The following ANXA4 variants were observed in gnomAD, a reference collection of about 807,000 sequenced individuals.
The protein encoded by ANXA4 is annexin A4.
In ANXA4, 39 loss-of-function variants were observed where a neutral mutation model predicts 49.8. The observed-to-expected ratio is 0.78, with a 90% CI of 0.61 to 1.02. The LOEUF (loss-of-function observed/expected upper bound fraction) is 1.02, where lower values mean the gene tolerates loss of function less well. Ranked by LOEUF, ANXA4 falls within the 50% of genes least tolerant of loss-of-function variation. ANXA4 has a pLI of 0.00. For synonymous variants in ANXA4, 134 were observed against 152.5 expected (o/e 0.88, Z 0.89); for missense variants, 360 against 410.1 (o/e 0.88, Z 1.05).
intron 2 of ANXA4, among the ~76,000 whole-genome samples, chr2:69,656,224 TA>T (rs2105312724): frequency 7.4e-6 from 1 of 135,062 alleles, no homozygotes; most frequent in South Asian, 2.4e-4. Flanking sequence ...TATATATGTA[TA>T]TATGTATATA....
At chr2:69,788,275 C>A in intron 3 of ANXA4, 134 bp downstream of exon 3, 1 of 743,122 alleles carries the variant, frequency 1.3e-6, no homozygotes, top group Non-Finnish European at 2.2e-6. Context: ...GTGTGGGGCT[C>A]ATGCCTGTCA....
chr2:69,815,012 C>T lies in ANXA4; in HGVS notation c.535-1089C>T, dbSNP rs1347676529. ...GGCAGGAAAAAAACTGATGTCCTAG[C>T]TCAAGGCAGTCAGGCAGGAGGAGTC... On this transcript the variant is annotated intron_variant, in intron 8 of 12. Coordinates refer to ENST00000394295, the MANE Select transcript of ANXA4 (RefSeq NM_001153.5). 1.3e-5 allele frequency: 2 copies of T among 152,472 alleles called. 1 individual carries two copies. 9.4% of individuals were successfully genotyped at this position (152,472 alleles called of 1,614,324 possible).
chr2:69,760,605 T>C (rs1671242815), intron 1 of ANXA4, among the ~76,000 whole-genome samples: 1 of 152,242 alleles, frequency 6.6e-6, no homozygotes, highest in South Asian at 2.1e-4. Flanking sequence ...TTAAGTATTC[T>C]GGGGCTTTGT....
Position 69,655,621 on chromosome 2 carries a change from G to A in ANXA4, n.766+2339G>A, listed in dbSNP as rs182638582. On this transcript the variant is annotated intron_variant and non_coding_transcript_variant, in intron 2 of 3. Transcript: ENST00000418066. The stretch of plus-strand genomic sequence containing the variant: ...CTACCATTGTGGAAGACAGTGTGGC[G>A]ATTCCAAAAGGATCTAGAACCAGAA... Among the ~76,000 whole-genome samples the A allele has an allele frequency of 9.9e-5, 15 of 152,204 alleles. No individual in the cohort carries two copies. In the East Asian group the frequency reaches 2.5e-3, roughly 25 times the overall value.
At chr2:69,754,376 C>A (rs76113261) in intron 1 of ANXA4, among the ~76,000 whole-genome samples, 1,628 of 152,188 alleles carry the variant, frequency 0.011, 39 homozygotes, top group African/African-American at 0.037. Flanking sequence ...GTTCTCAAAC[C>A]TCAGCATGTA....
At chr2:69,670,677 T>C (rs138875308) in intron 2 of ANXA4, among the ~76,000 whole-genome samples, 1 of 151,498 alleles carries the variant, frequency 6.6e-6, no homozygotes. Flanking sequence ...ACTGGAAAAT[T>C]TGGTTATCTA....
chr2:69,785,831 G>A (rs562363800), intron 2 of ANXA4, among the ~76,000 whole-genome samples: 2 of 152,058 alleles, frequency 1.3e-5, no homozygotes, highest in Admixed American at 1.3e-4. Context: ...GACAGTGCTC[G>A]ATCCTGGATT....
intron 2 of ANXA4, among the ~76,000 whole-genome samples, chr2:69,656,304 T>TATATAC: frequency 9.9e-6 from 1 of 101,258 alleles, no homozygotes; most frequent in East Asian, 7.8e-4. Flanking sequence ...TGTATATATA[T>TATATAC]GTATATATGT....
intron 2 of ANXA4, among the ~76,000 whole-genome samples, chr2:69,664,681 T>C (rs1676868435): frequency 6.6e-6 from 1 of 152,170 alleles, no homozygotes; most frequent in South Asian, 2.1e-4. Context: ...GCAGCAACAG[T>C]ATGTTCAATC....
chr2:69,746,567 T>A (rs1573184314), intron 1 of ANXA4, among the ~76,000 whole-genome samples: 1 of 152,332 alleles, frequency 6.6e-6, no homozygotes, highest in African/African-American at 2.4e-5. Context: ...TTATTAGTGT[T>A]TGGTTTTGTT....
upstream of ANXA4, among the ~76,000 whole-genome samples, chr2:69,740,618 A>G (rs1670360791): frequency 6.8e-6 from 1 of 146,214 alleles, no homozygotes; most frequent in African/African-American, 2.6e-5. Flanking sequence ...GCACCCGGCT[A>G]ATTATTTATT....
chr2:69,727,163 T>C (rs1392290464), intron 3 of ANXA4, among the ~76,000 whole-genome samples: 3 of 152,270 alleles, frequency 2.0e-5, no homozygotes, highest in Non-Finnish European at 4.4e-5. Flanking sequence ...CATGAGCCAC[T>C]GTGCCTAGCC....
At chr2:69,814,177 G>A (rs945374506) in intron 8 of ANXA4, among the ~76,000 whole-genome samples, 1 of 152,036 alleles carries the variant, frequency 6.6e-6, no homozygotes, top group African/African-American at 2.4e-5. Context: ...TTCATTAGAG[G>A]GGATAGAGGT....
At chr2:69,715,238 C>G (rs1005081157) in intron 2 of ANXA4, among the ~76,000 whole-genome samples, 2 of 152,114 alleles carry the variant, frequency 1.3e-5, no homozygotes, top group African/African-American at 4.8e-5. Flanking sequence ...GAAATGGAGT[C>G]TCGCTCTGTC....
intron 3 of ANXA4, among the ~76,000 whole-genome samples, chr2:69,725,397 C>T (rs1026262885): frequency 2.0e-5 from 3 of 147,774 alleles, no homozygotes; most frequent in African/African-American, 7.4e-5. Flanking sequence ...TATATAAATA[C>T]ATGGTATATT....
At chr2:69,649,391 T>C (rs558846759) in intron 1 of ANXA4, among the ~76,000 whole-genome samples, 1 of 151,970 alleles carries the variant, frequency 6.6e-6, no homozygotes, top group East Asian at 1.9e-4. Flanking sequence ...TAAGTACCTT[T>C]TTTACTATAT....
In ANXA4 at chr2:69,825,481, A is replaced by G. The variant is rs1402011107; in HGVS notation, c.932A>G (p.Lys311Arg). The G allele has an allele frequency of 1.9e-6, 3 of 1,610,154 alleles. No homozygotes were observed. The highest frequency in any genetic ancestry group is 1.1e-5 in the South Asian group (1 of 90,390). The change falls in exon 13 of 13, where the codon AAA (lysine) becomes AGA (arginine). Residue 311 changes from lysine to arginine, a missense_variant. Lys to Arg is a conservative substitution (Grantham distance 26). Coordinates refer to ENST00000394295, the MANE Select transcript of ANXA4 (RefSeq NM_001153.5). ...GGTGACACATCTGGAGACTACAGGA[A>G]AGTACTGCTTGTTCTCTGTGGAGGA... is the stretch of plus-strand genomic sequence containing the variant. Reference protein sequence around the residue: ...IKGDTSGDYRKVLLVLCGGDD With the variant: ...IKGDTSGDYRRVLLVLCGGDD
chr2:69,648,358 C>G (rs1676087408), intron 1 of ANXA4, among the ~76,000 whole-genome samples: 1 of 152,152 alleles, frequency 6.6e-6, no homozygotes, highest in Non-Finnish European at 1.5e-5. Flanking sequence ...CGAAGTGGAA[C>G]TTGTTAGAAA....
intron 2 of ANXA4, among the ~76,000 whole-genome samples, chr2:69,654,410 T>C (rs888913447): frequency 2.6e-5 from 4 of 152,188 alleles, no homozygotes; most frequent in Non-Finnish European, 5.9e-5. Flanking sequence ...AATATGATAT[T>C]GGGTGTGGGT....
Sources: gnomAD v4.1 joint callset for allele counts (sites outside exome capture counted in the v4.1 genomes callset) on GRCh38, gnomAD v4.1.1 for gene constraint, MANE v1.5 for transcripts, NCBI Gene and HGNC (gene_info 2026-07-23, HGNC 2026-07-21) for gene names.